Variants in ZNF296 observed in about 807,000 individuals in gnomAD.
The protein encoded by ZNF296 is zinc finger protein 296.
ZNF296 carries 1 observed loss-of-function variant against 13.2 expected under a neutral mutation model. The observed-to-expected ratio is 0.08, with a 90% CI of 0.03 to 0.36. ZNF296 has a LOEUF of 0.36. Among genes scored for constraint, ZNF296 ranks in the 10% least tolerant of loss-of-function variants. The pLI is 0.99. For missense variants in ZNF296, 555 were observed against 688.2 expected (o/e 0.81, Z 2.16); for synonymous variants, 303 against 289.0 (o/e 1.05, Z -0.49).
At chr19:45,075,611 A>G (rs1967331155) in intron 2 of ZNF296, 102 bp downstream of exon 2, 3 of 1,336,066 alleles carry the variant, frequency 2.2e-6, no homozygotes, top group African/African-American at 3.0e-5. Flanking sequence ...GGAGCGAGAA[A>G]GGGGAAGTAG....
At position 45,072,236 on chromosome 19, in the gene ZNF296, G is replaced by A; in HGVS notation, c.793C>T (p.Pro265Ser). ...TTGCTGCTCTGGGCGCAGGCGTAGG[G>A]ACACTGGTCGCAAGCATAGGGCCGC... ...GERPYACDQCPYACAQSSKLN... is the reference protein window; with the variant it reads ...GERPYACDQCSYACAQSSKLN... Residue 265 changes from proline (P) to serine (S), a missense_variant, in exon 3 of 3, where the codon CCC becomes TCC. Pro to Ser is a moderately conservative substitution (Grantham distance 74). Around this residue, in one of 3 missense-constraint regions of ZNF296, gnomAD observed 410 missense variants for 548.0 expected, o/e 0.75. Coordinates refer to ENST00000303809, the MANE Select transcript of ZNF296 (RefSeq NM_145288.3). 1 of 1,613,342 alleles carries A rather than the reference G, an allele frequency of 6.2e-7. No homozygotes were observed. Among genetic ancestry groups the A allele is most frequent in the Middle Eastern group, 1.6e-4 (1 of 6,062 alleles).
chr19:45,073,403 CTCTG>C (rs1266092253), intron 2 of ZNF296, among the ~76,000 whole-genome samples: 1 of 142,742 alleles, frequency 7.0e-6, no homozygotes, highest in African/African-American at 2.8e-5. Context: ...CGGAGCCTTG[CTCTG>C]TCGCCCAGGC....
At position 45,071,673 on chromosome 19, in the gene ZNF296, C is replaced by A; in HGVS notation, c.1356G>T (p.Val452=). The A allele has an allele frequency of 1.3e-6, 2 of 1,569,696 alleles. No homozygotes were observed. Among genetic ancestry groups the A allele is most frequent in the Admixed American group, 1.8e-5 (1 of 56,332 alleles). The change falls in exon 3 of 3, where the codon GTG becomes GTT. Residue 452 remains valine (V), a synonymous_variant. Transcript: ENST00000303809. ...STRFECPHCH[V]PFGLRATLDK... ...CCAGGGTGGCTCGCAGGCCGAAGGGCACATGGCAGTGGGGGCACTCGAAGC... is the reference window on the plus strand; with the variant it reads ...CCAGGGTGGCTCGCAGGCCGAAGGGAACATGGCAGTGGGGGCACTCGAAGC...
At position 45,071,994 on chromosome 19, in the gene ZNF296, G is replaced by A. The variant is rs747294214; in HGVS notation, c.1035C>T (p.Ala345=). 1.1e-5 allele frequency: 18 copies of A among 1,613,342 alleles called. No homozygotes were observed. The highest frequency in any genetic ancestry group is 3.3e-5 in the Admixed American group (2 of 60,020). ...EPGAPGSGAQ[A]GPGGDTWGAI... ...CTCCCCAAGTGTCTCCACCAGGGCC[G>A]GCTTGAGCCCCACTGCCAGGAGCCC... The change falls in exon 3 of 3, where the codon GCC becomes GCT. Residue 345 remains alanine, a synonymous_variant. Transcript: ENST00000303809.
In ZNF296 at chr19:45,076,009, C is replaced by G; in HGVS notation, c.298+67G>C. ...TAAGGCAGGGCGAGGGGCCCATGCC[C>G]AAAGGGAAGGGTCCCACCCGAGGGT... On this transcript the variant is annotated intron_variant, in intron 1 of 2. Coordinates refer to ENST00000303809, the MANE Select transcript of ZNF296 (RefSeq NM_145288.3). The surrounding 1 kb of genome is among the most constrained non-coding windows in gnomAD (Gnocchi z 4.9). 1.3e-6 allele frequency: 2 copies of G among 1,566,996 alleles called. No homozygotes were observed. The highest frequency in any genetic ancestry group is 1.1e-5 in the South Asian group (1 of 86,978).
In ZNF296 at chr19:45,076,249, G is replaced by C. The variant is rs751118513; in HGVS notation, c.125C>G (p.Pro42Arg). The C allele has an allele frequency of 4.0e-5, 60 of 1,506,002 alleles. No individual in the cohort carries two copies. The highest frequency in any genetic ancestry group is 5.3e-5 in the Non-Finnish European group (60 of 1,132,458). 93.3% of individuals were successfully genotyped at this position (1,506,002 alleles called of 1,614,324 possible). ...GGGCCCCAGCCTTGGGGCCTGTTGGGGCTGCGCGTCTGGCTCGGGCTTGAG... is the reference window on the plus strand; with the variant it reads ...GGGCCCCAGCCTTGGGGCCTGTTGGCGCTGCGCGTCTGGCTCGGGCTTGAG... Reference protein sequence around the residue: ...IELKPEPDAQPQQAPRLGPFS... With the variant: ...IELKPEPDAQRQQAPRLGPFS... Residue 42 changes from proline (P) to arginine (R), a missense_variant, in exon 1 of 3, where the codon CCC becomes CGC. Coordinates refer to ENST00000303809, the MANE Select transcript of ZNF296 (RefSeq NM_145288.3). This position sits in a 1 kb window ranked among gnomAD's most constrained non-coding sequence, Gnocchi z 4.9.
At position 45,075,708 on chromosome 19, in the gene ZNF296, C is replaced by T; in HGVS notation, c.448+5G>A. ...GAGAGGGGGACTGCACCCGGCTTTA[C>T]TCACCTGAGCCCTGGCCGCGGCTGG... On this transcript the variant is annotated splice_donor_5th_base_variant and intron_variant, in intron 2 of 2. Transcript: ENST00000303809. The T allele has an allele frequency of 1.2e-6, 2 of 1,613,404 alleles. No homozygotes were observed. Among genetic ancestry groups the T allele is most frequent in the South Asian group, 1.1e-5 (1 of 91,042 alleles).
chr19:45,074,817 G>GA (rs1276018034), intron 2 of ZNF296, among the ~76,000 whole-genome samples: 5 of 152,146 alleles, frequency 3.3e-5, no homozygotes, highest in African/African-American at 1.2e-4. Flanking sequence ...AGGTGCCCAT[G>GA]ATTCTCCAAG....
Position 45,076,302 on chromosome 19 carries a change from C to G in ZNF296, c.72G>C (p.Glu24Asp). 1 of 1,440,474 alleles carries G rather than the reference C, an allele frequency of 6.9e-7. No homozygotes were observed. The allele number at this position is 1,440,474 out of a possible 1,614,324, so 89.2% of individuals were successfully genotyped here. A position where few individuals can be genotyped will look rare whatever the true frequency, so the allele number is the denominator to read the frequency against. The change falls in exon 1 of 3, where the codon GAG becomes GAC. Residue 24 changes from glutamate to aspartate, a missense_variant. Coordinates refer to ENST00000303809, the MANE Select transcript of ZNF296 (RefSeq NM_145288.3). This position sits in a 1 kb window ranked among gnomAD's most constrained non-coding sequence, Gnocchi z 4.9. ...CGATGACGAGGTCCTGCATTTCCAT[C>G]TCGTCGTCTGGGTTGGCGGCGGGCG... ...EPAPAANPDD[E>D]MEMQDLVIEL...
Position 45,076,254 on chromosome 19 carries a change from C to T in ZNF296, c.120G>A (p.Ala40=), listed in dbSNP as rs146219923. 105 of 1,500,466 alleles carry T rather than the reference C, an allele frequency of 7.0e-5. No individual in the cohort carries two copies. In the African/African-American group the frequency reaches 1.3e-3, roughly 19 times the overall value. 92.9% of individuals were successfully genotyped at this position (1,500,466 alleles called of 1,614,324 possible). A position where few individuals can be genotyped will look rare whatever the true frequency, so the allele number is the denominator to read the frequency against. ...CCAGCCTTGGGGCCTGTTGGGGCTGCGCGTCTGGCTCGGGCTTGAGTTCGA... is the reference window on the plus strand; with the variant it reads ...CCAGCCTTGGGGCCTGTTGGGGCTGTGCGTCTGGCTCGGGCTTGAGTTCGA... ...LVIELKPEPD[A]QPQQAPRLGP... is the part of the protein sequence containing the mutation. The change falls in exon 1 of 3, where the codon GCG becomes GCA. Residue 40 remains alanine, a synonymous_variant. Coordinates refer to ENST00000303809, the MANE Select transcript of ZNF296 (RefSeq NM_145288.3). This position sits in a 1 kb window ranked among gnomAD's most constrained non-coding sequence, Gnocchi z 4.9.
Position 45,072,523 on chromosome 19 carries a change from G to A in ZNF296, c.506C>T (p.Ala169Val). ...CLRCGKQFTV[A>V]WKLLRHAQWD... is the part of the protein sequence containing the mutation. ...CTGGGCGTGACGCAGCAGCTTCCAG[G>A]CCACTGTGAACTGTTTGCCACAGCG... The change falls in exon 3 of 3, where the codon GCC becomes GTC. Residue 169 changes from alanine to valine, a missense_variant. By Grantham distance (64) the Ala-to-Val change is moderately conservative. Coordinates refer to ENST00000303809, the MANE Select transcript of ZNF296 (RefSeq NM_145288.3). 1 of 1,613,702 alleles carries A rather than the reference G, an allele frequency of 6.2e-7. No homozygotes were observed. The highest frequency in any genetic ancestry group is 8.5e-7 in the Non-Finnish European group (1 of 1,179,968).
chr19:45,074,436 C>A (rs1424247575), intron 2 of ZNF296, among the ~76,000 whole-genome samples: 1 of 152,194 alleles, frequency 6.6e-6, no homozygotes, highest in Non-Finnish European at 1.5e-5. Context: ...GTCCCCCACC[C>A]TCTGCATGGA....
intron 2 of ZNF296, 37 bp downstream of exon 2, chr19:45,075,676 C>T (rs749794116): frequency 6.2e-7 from 1 of 1,605,718 alleles, no homozygotes; most frequent in Non-Finnish European, 8.5e-7. Flanking sequence ...GCCCAGCCCT[C>T]GAACTTGAGA....
Position 45,076,426 on chromosome 19 carries a change from G to A in ZNF296, c.-53C>T. 2.5e-6 allele frequency: 3 copies of A among 1,200,002 alleles called. No individual in the cohort carries two copies. The highest frequency in any genetic ancestry group is 3.1e-6 in the Non-Finnish European group (3 of 961,158). The allele number at this position is 1,200,002 out of a possible 1,614,324, so 74.3% of individuals were successfully genotyped here. A position where few individuals can be genotyped will look rare whatever the true frequency, so the allele number is the denominator to read the frequency against. On this transcript the variant is annotated 5_prime_UTR_variant, in exon 1 of 3. Coordinates refer to ENST00000303809, the MANE Select transcript of ZNF296 (RefSeq NM_145288.3). The surrounding 1 kb of genome is among the most constrained non-coding windows in gnomAD (Gnocchi z 4.9). ...CGGGCAGGCAGGCAGGCGGGCGGGCGGAGGACGCACGAGCGGAGGACGCGC... is the reference window on the plus strand; with the variant it reads ...CGGGCAGGCAGGCAGGCGGGCGGGCAGAGGACGCACGAGCGGAGGACGCGC...
In ZNF296 at chr19:45,071,932, C is replaced by G. The variant is rs1285621023; in HGVS notation, c.1097G>C (p.Ser366Thr). 4.3e-6 allele frequency: 7 copies of G among 1,613,624 alleles called. No homozygotes were observed. In the Admixed American group the frequency reaches 1.2e-4, roughly 27 times the overall value. The change falls in exon 3 of 3, where the codon AGC becomes ACC. Residue 366 changes from serine to threonine, a missense_variant. Physicochemically the swap from Ser to Thr is moderately conservative, Grantham distance 58 (BLOSUM62 1). Around this residue, in one of 3 missense-constraint regions of ZNF296, gnomAD observed 410 missense variants for 548.0 expected, o/e 0.75. Transcript: ENST00000303809. ...CATCTTTTTGGGTGATGCCTTCTGG[C>G]TGTTTGCAGGGTCAGTTCTTTGTTC... Reference protein sequence around the residue: ...TTEQRTDPANSQKASPKKMPK... With the variant: ...TTEQRTDPANTQKASPKKMPK...
At position 45,071,718 on chromosome 19, in the gene ZNF296, G is replaced by T; in HGVS notation, c.1311C>A (p.Gly437=). ...CGAAGCGGGTGCTGCCAGGCGTCAT[G>T]CCGTGCATGCGGCGGTGGCGGTTGA... ...SKLNRHRRMH[G]MTPGSTRFEC... is the part of the protein sequence containing the mutation. Residue 437 remains glycine, a synonymous_variant, in exon 3 of 3, where the codon GGC becomes GGA. Coordinates refer to ENST00000303809, the MANE Select transcript of ZNF296 (RefSeq NM_145288.3). 2.5e-6 allele frequency: 4 copies of T among 1,602,138 alleles called. No individual in the cohort carries two copies. The highest frequency in any genetic ancestry group is 3.4e-6 in the Non-Finnish European group (4 of 1,173,102).
chr19:45,072,612 G>A (rs542987575), intron 2 of ZNF296, 32 bp from the exon 3 acceptor site: 27 of 1,552,008 alleles, frequency 1.7e-5, no homozygotes, highest in African/African-American at 5.5e-5. Flanking sequence ...GTGTTAGTGC[G>A]GACAGCTGCC....
rs1340951879 is a variant in ZNF296, at chr19:45,072,325, A to G, written c.704T>C (p.Val235Ala). 2 of 1,612,972 alleles carry G rather than the reference A, an allele frequency of 1.2e-6. No homozygotes were observed. The highest frequency in any genetic ancestry group is 3.3e-5 in the Admixed American group (2 of 60,008). The part of the protein sequence containing the change: ...GLTRRSPTCP[V>A]CKKTLSSFSN... ...GAAGGAGCTGAGGGTCTTCTTGCAC[A>G]CAGGACAGGTGGGGCTCCGCCGGGT... Residue 235 changes from valine to alanine, a missense_variant, in exon 3 of 3, where the codon GTG becomes GCG. By Grantham distance (64) the Val-to-Ala change is moderately conservative. This residue lies in a region of ZNF296 where 410 missense variants were observed against 548.0 expected (regional missense o/e 0.75). Transcript: ENST00000303809.
chr19:45,075,987 G>T (rs1967339588), intron 1 of ZNF296, 89 bp downstream of exon 1: 10 of 1,571,360 alleles, frequency 6.4e-6, no homozygotes, highest in Non-Finnish European at 7.8e-6. Flanking sequence ...AAGGAGATAA[G>T]GCAGGGCGAG....
Sources: allele counts gnomAD v4.1 joint callset (sites outside exome capture counted in the v4.1 genomes callset), GRCh38; gene constraint gnomAD v4.1.1; regional missense constraint gnomAD v4.1.1; non-coding constraint Gnocchi (gnomAD v3.1); transcripts MANE v1.5; gene names NCBI Gene and HGNC (gene_info 2026-07-23, HGNC 2026-07-21).